Variants in DPH6 observed in about 807,000 individuals in gnomAD.
DPH6 encodes diphthine--ammonia ligase.
DPH6 carries 33 observed loss-of-function variants against 38.2 expected under a neutral mutation model. That is an observed-to-expected ratio of 0.86 (90% CI 0.65 to 1.15). DPH6 has a LOEUF of 1.15. Among genes scored for constraint, DPH6 ranks in the 50% most tolerant of loss-of-function variants. DPH6 has a pLI of 0.00. For synonymous variants in DPH6, 108 were observed against 103.0 expected (o/e 1.05, Z -0.30); for missense variants, 325 against 320.0 (o/e 1.02, Z -0.12).
chr15:35,240,401 C>T (rs1467141825), intron 3 of DPH6, among the ~76,000 whole-genome samples: 1 of 142,476 alleles, frequency 7.0e-6, no homozygotes, highest in Non-Finnish European at 1.5e-5. Flanking sequence ...CCCCAAGCAT[C>T]ACTGAGTCTT....
chr15:35,222,006 GC>G (rs1461203335), intron 3 of DPH6, among the ~76,000 whole-genome samples: 2 of 152,084 alleles, frequency 1.3e-5, no homozygotes, highest in Non-Finnish European at 2.9e-5. Flanking sequence ...CAAGTTCTTT[GC>G]CACTTATAAT....
At chr15:35,351,360 G>T (rs548175333) in intron 3 of DPH6, among the ~76,000 whole-genome samples, 1 of 152,082 alleles carries the variant, frequency 6.6e-6, no homozygotes, top group African/African-American at 2.4e-5. Context: ...TTTCCATTTA[G>T]CCACTGTATA....
chr15:35,535,628 G>T (rs1203652970), intron 3 of DPH6, among the ~76,000 whole-genome samples: 1 of 82,938 alleles, frequency 1.2e-5, no homozygotes, highest in Non-Finnish European at 3.6e-5. Flanking sequence ...TGTATTTTCA[G>T]GAAATAATAC....
chr15:35,162,965 A>C, the DPH6 span, among the ~76,000 whole-genome samples: 2 of 152,052 alleles, frequency 1.3e-5, no homozygotes, highest in East Asian at 3.9e-4. Flanking sequence ...AGAAGATTTC[A>C]AGGTGGCAAA....
At chr15:35,330,482 T>C (rs1209829211), downstream of DPH6, among the ~76,000 whole-genome samples, 1 of 152,158 alleles carries the variant, frequency 6.6e-6, no homozygotes. Context: ...AATATCTCCT[T>C]TGCATTAAGT....
chr15:35,499,686 CT>C (rs2054601521), intron 3 of DPH6, among the ~76,000 whole-genome samples: 1 of 152,274 alleles, frequency 6.6e-6, no homozygotes, highest in Non-Finnish European at 1.5e-5. Context: ...AACAAATAAA[CT>C]TAAGTATTAA....
At chr15:35,353,712 G>A (rs1389025094) in intron 3 of DPH6, among the ~76,000 whole-genome samples, 7 of 152,084 alleles carry the variant, frequency 4.6e-5, no homozygotes, top group South Asian at 2.1e-4. Context: ...GTCAGGTAGC[G>A]TGATGCCTCC....
the DPH6 span, among the ~76,000 whole-genome samples, chr15:35,200,507 G>A: frequency 6.6e-6 from 1 of 151,998 alleles, no homozygotes; most frequent in Non-Finnish European, 1.5e-5. Context: ...AAATTGGCTA[G>A]TTTTATATTA....
At position 35,480,467 on chromosome 15, in the gene DPH6, C is replaced by A. The variant is rs535041836; in HGVS notation, c.313-25647G>T. 3.3e-5 allele frequency among the ~76,000 whole-genome samples: 5 copies of A among 152,092 alleles called. No homozygotes were observed. In the East Asian group the frequency reaches 9.6e-4, roughly 29 times the overall value. On this transcript the variant is annotated intron_variant, in intron 3 of 8. Transcript: ENST00000256538. ...TCATGCAGTGATGAAGTATAAACATCCACAATTAAATCTTAAGGCTATGTA... is the reference window on the plus strand; with the variant it reads ...TCATGCAGTGATGAAGTATAAACATACACAATTAAATCTTAAGGCTATGTA...
intron 3 of DPH6, among the ~76,000 whole-genome samples, chr15:35,512,209 C>G (rs988650115): frequency 6.6e-6 from 1 of 152,046 alleles, no homozygotes; most frequent in Non-Finnish European, 1.5e-5. Context: ...TTTTACTAAG[C>G]CAATATTCTA....
chr15:35,401,800 G>A, intron 6 of DPH6: 1 of 607,182 alleles, frequency 1.6e-6, no homozygotes. Context: ...TAACAGGAGA[G>A]GAGAGCCAGA....
intron 3 of DPH6, among the ~76,000 whole-genome samples, chr15:35,280,299 C>T (rs890064914): frequency 6.6e-6 from 1 of 152,222 alleles, no homozygotes. Context: ...ACATTTCCTA[C>T]TGTTGACTTA....
intron 3 of DPH6, among the ~76,000 whole-genome samples, chr15:35,347,457 CTTT>C (rs767042543): frequency 7.1e-6 from 1 of 140,434 alleles, no homozygotes; most frequent in East Asian, 2.0e-4. Flanking sequence ...CAGCCTCCTC[CTTT>C]TTTTTTTTTT....
chr15:35,188,887 A>G, the DPH6 span, among the ~76,000 whole-genome samples: 1 of 152,082 alleles, frequency 6.6e-6, no homozygotes, highest in South Asian at 2.1e-4. Context: ...AAAAAAAAAA[A>G]TTCATGATTT....
the DPH6 span, among the ~76,000 whole-genome samples, chr15:35,203,913 C>G: frequency 6.6e-6 from 1 of 151,570 alleles, no homozygotes; most frequent in Admixed American, 6.6e-5. Context: ...AATTGTCAGG[C>G]TCTTCAGTAG....
chr15:35,396,768 A>C (rs1415939910), intron 6 of DPH6, among the ~76,000 whole-genome samples: 1 of 152,230 alleles, frequency 6.6e-6, no homozygotes, highest in African/African-American at 2.4e-5. Context: ...TCAAAATTCA[A>C]AATCTTCTTT....
chr15:35,182,936 A>T, the DPH6 span, among the ~76,000 whole-genome samples: 57 of 152,342 alleles, frequency 3.7e-4, no homozygotes, highest in African/African-American at 1.2e-3. Context: ...TCTTTGATAA[A>T]TATAAAGCAT....
intron 3 of DPH6, among the ~76,000 whole-genome samples, chr15:35,463,708 A>G (rs2054092998): frequency 6.6e-6 from 1 of 152,106 alleles, no homozygotes; most frequent in African/African-American, 2.4e-5. Flanking sequence ...TTTATTTCCA[A>G]CTTTATATTT....
At chr15:35,436,303 A>G (rs980259660) in intron 5 of DPH6, among the ~76,000 whole-genome samples, 3 of 151,152 alleles carry the variant, frequency 2.0e-5, no homozygotes, top group Non-Finnish European at 4.4e-5. Flanking sequence ...CGTCTCTACT[A>G]AAAATACAAA....
Sources: allele counts gnomAD v4.1 joint callset (sites outside exome capture counted in the v4.1 genomes callset), GRCh38; gene constraint gnomAD v4.1.1; transcripts MANE v1.5; gene names NCBI Gene and HGNC (gene_info 2026-07-23, HGNC 2026-07-21).